Variants in RP1L1 observed in about 807,000 individuals in gnomAD.
RP1L1 encodes the protein RP1 like 1.
Under a neutral mutation model 15.7 loss-of-function variants are expected in RP1L1, and 27 were observed. The observed-to-expected ratio is 1.72, with a 90% CI of 1.27 to 2.38. The LOEUF is 2.38. Among genes scored for constraint, RP1L1 ranks in the 30% most tolerant of loss-of-function variants. The pLI, the probability that RP1L1 is intolerant of heterozygous loss-of-function variation, is 0.00. For synonymous variants in RP1L1, 1,813 were observed against 1,276.7 expected (o/e 1.42, Z -8.96); for missense variants, 4,798 against 3,075.9 (o/e 1.56, Z -13.24).
chr8:10,615,046 T>C (rs1797943064), intron 3 of RP1L1, among the ~76,000 whole-genome samples: 3 of 152,168 alleles, frequency 2.0e-5, no homozygotes, highest in Admixed American at 1.3e-4. Context: ...GGGCAGAAGA[T>C]GGCTTTGCCC....
At chr8:10,619,442 G>A (rs576608441) in intron 2 of RP1L1, among the ~76,000 whole-genome samples, 4 of 152,114 alleles carry the variant, frequency 2.6e-5, no homozygotes, top group South Asian at 2.1e-4. Flanking sequence ...CAGCAATGGT[G>A]GGGTAATTCA....
chr8:10,626,518 C>T (rs1405406243), intron 1 of RP1L1, among the ~76,000 whole-genome samples: 6 of 152,186 alleles, frequency 3.9e-5, no homozygotes. Context: ...TCACACAGGT[C>T]CACACGGGCT....
intron 1 of RP1L1, among the ~76,000 whole-genome samples, chr8:10,642,332 T>C (rs1050584148): frequency 1.3e-5 from 2 of 152,232 alleles, no homozygotes; most frequent in Non-Finnish European, 2.9e-5. Context: ...CCCAAATTCC[T>C]TTCCAGATGA....
At chr8:10,619,960 C>CA (rs34459240) in intron 2 of RP1L1, among the ~76,000 whole-genome samples, 1,024 of 87,092 alleles carry the variant, frequency 0.012, 33 homozygotes, top group East Asian at 0.095. Flanking sequence ...GACTCCATCT[C>CA]AAAAAAAAAA....
chr8:10,606,865 G>A lies in RP1L1; in HGVS notation c.*30C>T, dbSNP rs1393234697. The A allele has an allele frequency of 3.1e-6, 5 of 1,613,460 alleles. No individual in the cohort carries two copies. The African/African-American group carries it at 4.0e-5, about 13-fold the overall frequency. ...ATATGAATAAAAACAGAGCTCCCAAGCTCGTGATTGTTTTCTAGCTTGATC... is the reference window on the plus strand; with the variant it reads ...ATATGAATAAAAACAGAGCTCCCAAACTCGTGATTGTTTTCTAGCTTGATC... On this transcript the variant is annotated 3_prime_UTR_variant, in exon 4 of 4. Transcript: ENST00000382483.
At position 10,609,615 on chromosome 8, in the gene RP1L1, G is replaced by C. The variant is rs752436391; in HGVS notation, c.4483C>G (p.Pro1495Ala). 44 of 1,607,146 alleles carry C rather than the reference G, an allele frequency of 2.7e-5. No homozygotes were observed. Among genetic ancestry groups the C allele is most frequent in the Non-Finnish European group, 3.7e-5 (44 of 1,179,910 alleles). Residue 1495 changes from proline (P) to alanine (A), a missense_variant, in exon 4 of 4, where the codon CCC (proline) becomes GCC (alanine). Pro to Ala is a conservative substitution (Grantham distance 27, BLOSUM62 -1). Coordinates refer to ENST00000382483, the MANE Select transcript of RP1L1 (RefSeq NM_178857.6). ...CTCCTCTCTGCAGCCCCCTGGGTGG[G>C]TTGGGCCTGCGTGTGCTCTTGGCCC... ...MMGQEHTQAQPTQGAAERSSS... is the reference protein window; with the variant it reads ...MMGQEHTQAQATQGAAERSSS...
chr8:10,635,982 T>TG (rs1248841770), intron 1 of RP1L1, among the ~76,000 whole-genome samples: 7 of 152,112 alleles, frequency 4.6e-5, no homozygotes, highest in African/African-American at 1.7e-4. Flanking sequence ...CACAGGGAGC[T>TG]GGGGTGGGGA....
intron 1 of RP1L1, among the ~76,000 whole-genome samples, chr8:10,633,982 G>T (rs180927808): frequency 1.5e-4 from 23 of 152,218 alleles, no homozygotes; most frequent in Non-Finnish European, 2.9e-4. Flanking sequence ...GTGGAGAAGG[G>T]TGCCCGAGGG....
Position 10,610,440 on chromosome 8 carries a change from C to T in RP1L1, c.3658G>A (p.Asp1220Asn), listed in dbSNP as rs1045387826. The part of the protein sequence containing the change: ...SGESSVPCAM[D>N]GTLVTQGTEL... ...GTCCCCTGTGTCACCAGGGTGCCGT[C>T]CATGGCACAGGGTACGCTACTCTCC... The change falls in exon 4 of 4, where the codon GAC becomes AAC. Residue 1220 changes from aspartate (D) to asparagine (N), a missense_variant. Physicochemically the swap from Asp to Asn is conservative, Grantham distance 23. Transcript: ENST00000382483. The T allele has an allele frequency of 9.3e-6, 15 of 1,613,750 alleles. No homozygotes were observed. Among genetic ancestry groups the T allele is most frequent in the Admixed American group, 6.7e-5 (4 of 60,000 alleles).
chr8:10,634,680 G>T (rs1798302810), intron 1 of RP1L1, among the ~76,000 whole-genome samples: 1 of 152,166 alleles, frequency 6.6e-6, no homozygotes, highest in East Asian at 1.9e-4. Flanking sequence ...CCATCCCCAG[G>T]AATGAGTCCA....
At chr8:10,631,373 A>ATG (rs747924200) in intron 1 of RP1L1, among the ~76,000 whole-genome samples, 1 of 138,070 alleles carries the variant, frequency 7.2e-6, no homozygotes, top group Admixed American at 7.0e-5. Context: ...ACACACATGC[A>ATG]CACAAACACA....
At chr8:10,654,537 A>G (rs73662894) in intron 1 of RP1L1, among the ~76,000 whole-genome samples, 2,549 of 151,962 alleles carry the variant, frequency 0.017, 66 homozygotes, top group African/African-American at 0.057. Context: ...CCTCCTCTCC[A>G]AGAGCCCCAA....
At chr8:10,621,836 A>G (rs946694333) in intron 2 of RP1L1, 6 of 459,346 alleles carry the variant, frequency 1.3e-5, no homozygotes, top group Non-Finnish European at 2.6e-5. Flanking sequence ...GGCTTCCAGC[A>G]GAGGTAGTAG....
chr8:10,622,023 A>G (rs576452205), intron 2 of RP1L1, among the ~76,000 whole-genome samples: 1 of 152,294 alleles, frequency 6.6e-6, no homozygotes, highest in Admixed American at 6.5e-5. Context: ...TAAGACAACA[A>G]TAAGAGTACA....
rs373602710 is a variant in RP1L1, at chr8:10,611,871, C to G, written c.2227G>C (p.Ala743Pro). ...LGTSSATVTP[A>P]VHSDFVSGVS... ...CCAGAAACAAAATCCGAGTGGACTGCAGGGGTGACAGTGGCACTGCTGGTT... is the reference window on the plus strand; with the variant it reads ...CCAGAAACAAAATCCGAGTGGACTGGAGGGGTGACAGTGGCACTGCTGGTT... Residue 743 changes from alanine (A) to proline (P), a missense_variant, in exon 4 of 4, where the codon GCA becomes CCA. Physicochemically the swap from Ala to Pro is conservative, Grantham distance 27 (BLOSUM62 -1). Coordinates refer to ENST00000382483, the MANE Select transcript of RP1L1 (RefSeq NM_178857.6). 6.2e-7 allele frequency: 1 copy of G among 1,613,712 alleles called. No individual in the cohort carries two copies. The highest frequency in any genetic ancestry group is 1.3e-5 in the African/African-American group (1 of 74,944).
intron 1 of RP1L1, among the ~76,000 whole-genome samples, chr8:10,624,196 C>G (rs1424418832): frequency 2.0e-5 from 3 of 152,218 alleles, no homozygotes; most frequent in Non-Finnish European, 4.4e-5. Flanking sequence ...TCATCACTCC[C>G]TCTCTCATGT....
chr8:10,635,142 T>G (rs1798309656), intron 1 of RP1L1, among the ~76,000 whole-genome samples: 2 of 152,174 alleles, frequency 1.3e-5, no homozygotes, highest in African/African-American at 2.4e-5. Flanking sequence ...GCGGTCTTCA[T>G]CTGATCTTGC....
rs142442064 is a variant in RP1L1, at chr8:10,616,172, C to G, written c.751+274G>C. Among the ~76,000 whole-genome samples the G allele has an allele frequency of 6.2e-4, 94 of 152,180 alleles. 5 individuals are homozygous for G. The East Asian group carries it at 0.018, about 29-fold the overall frequency. The stretch of plus-strand genomic sequence containing the variant: ...TATCCTCTCGCTTTGGGCCCCCAAA[C>G]GGCTGGAATTACAGACATGAGCCAC... On this transcript the variant is annotated intron_variant, in intron 3 of 3. Coordinates refer to ENST00000382483, the MANE Select transcript of RP1L1 (RefSeq NM_178857.6).
Position 10,616,493 on chromosome 8 carries a change from C to G in RP1L1, c.704G>C (p.Arg235Thr), listed in dbSNP as rs749159560. 24 of 1,614,130 alleles carry G rather than the reference C, an allele frequency of 1.5e-5. No homozygotes were observed. The highest frequency in any genetic ancestry group is 1.9e-5 in the Non-Finnish European group (23 of 1,180,056). ...FRTPAMKNAR[R>T]SEAETLSGLT... is the part of the protein sequence containing the mutation. ...CCCAGATAAAGTTTCAGCCTCGCTT[C>G]TCCTGGCATTTTTCATGGCTGGGGT... The change falls in exon 3 of 4, where the codon AGA (arginine) becomes ACA (threonine). Residue 235 changes from arginine to threonine, a missense_variant. Arg to Thr is a moderately conservative substitution (Grantham distance 71). Transcript: ENST00000382483.
Sources: gnomAD v4.1 joint callset for allele counts (sites outside exome capture counted in the v4.1 genomes callset) on GRCh38, gnomAD v4.1.1 for gene constraint, MANE v1.5 for transcripts, NCBI Gene and HGNC (gene_info 2026-07-23, HGNC 2026-07-21) for gene names.